Variants in CTTNBP2NL observed in about 807,000 individuals in gnomAD.
CTTNBP2NL encodes CTTNBP2 N-terminal-like protein.
In CTTNBP2NL, 16 loss-of-function variants were observed where a neutral mutation model predicts 32.5. The observed-to-expected ratio is 0.49, with a 90% CI of 0.33 to 0.75. The LOEUF is 0.75. CTTNBP2NL is among the 30% of genes least tolerant of loss of function. CTTNBP2NL has a pLI of 0.02. For synonymous variants in CTTNBP2NL, 298 were observed against 289.4 expected (o/e 1.03, Z -0.30); for missense variants, 645 against 756.0 (o/e 0.85, Z 1.72).
chr1:112,404,500 T>C (rs1201062586), intron 1 of CTTNBP2NL, among the ~76,000 whole-genome samples: 1 of 152,178 alleles, frequency 6.6e-6, no homozygotes, highest in African/African-American at 2.4e-5. Context: ...GACGTCATCA[T>C]CCTACATTAG....
intron 2 of CTTNBP2NL, among the ~76,000 whole-genome samples, chr1:112,413,785 C>CA (rs1648968414): frequency 6.6e-6 from 1 of 152,158 alleles, no homozygotes; most frequent in Admixed American, 6.5e-5. Context: ...TGGTGGCTCA[C>CA]ACCTTTAATC....
At position 112,453,897 on chromosome 1, in the gene CTTNBP2NL, G is replaced by A. The variant is rs1010193365; in HGVS notation, c.331-552G>A. On this transcript the variant is annotated intron_variant, in intron 4 of 5. Coordinates refer to ENST00000271277, the MANE Select transcript of CTTNBP2NL (RefSeq NM_018704.3). Reference sequence around the variant, plus strand: ...TCTCTATATTTGAGCCTTTTTACATGCAGTAGGAAGTCAAGAGAGTCTATC... The same window carrying A: ...TCTCTATATTTGAGCCTTTTTACATACAGTAGGAAGTCAAGAGAGTCTATC... Among the ~76,000 whole-genome samples the A allele has an allele frequency of 2.0e-5, 3 of 152,170 alleles. No individual in the cohort carries two copies. The South Asian group carries it at 6.2e-4, about 31-fold the overall frequency.
chr1:112,407,073 A>C (rs901878616), intron 1 of CTTNBP2NL, among the ~76,000 whole-genome samples: 6 of 152,210 alleles, frequency 3.9e-5, no homozygotes, highest in Admixed American at 1.3e-4. Context: ...TTCTCTAAAA[A>C]TGTTCCCAAA....
intron 2 of CTTNBP2NL, chr1:112,415,845 GCA>G (rs1317857569): frequency 3.4e-6 from 1 of 297,880 alleles, no homozygotes; most frequent in Non-Finnish European, 6.3e-6. Context: ...ATGAGCCACT[GCA>G]CCCAGCCCTA....
Position 112,416,394 on chromosome 1 carries a change from A to G in CTTNBP2NL, c.99+130A>G, listed in dbSNP as rs116010038. On this transcript the variant is annotated intron_variant, in intron 3 of 5. Coordinates refer to ENST00000271277, the MANE Select transcript of CTTNBP2NL (RefSeq NM_018704.3). Reference sequence around the variant, plus strand: ...AATGGAGGACATACTGATACTTGCCATAGGTAGCCACCTACATTGTGTGTT... The same window carrying G: ...AATGGAGGACATACTGATACTTGCCGTAGGTAGCCACCTACATTGTGTGTT... 446 of 578,982 alleles carry G rather than the reference A, an allele frequency of 7.7e-4. 2 individuals carry two copies. In the African/African-American group the frequency reaches 7.7e-3, roughly 10 times the overall value. The allele number at this position is 578,982 out of a possible 1,614,324, so 35.9% of individuals were successfully genotyped here.
At position 112,459,123 on chromosome 1, in the gene CTTNBP2NL, C is replaced by G. The variant is rs890759353; in HGVS notation, c.*1711C>G. On this transcript the variant is annotated 3_prime_UTR_variant, in exon 6 of 6. Coordinates refer to ENST00000271277, the MANE Select transcript of CTTNBP2NL (RefSeq NM_018704.3). ...AAATGTTTAAATGGTGCTGGTTAAA[C>G]AAACACGTCTGCAGCTGGATTTAGC... is the stretch of plus-strand genomic sequence containing the variant. 1 of 152,172 alleles carries G rather than the reference C, an allele frequency of 6.6e-6. No homozygotes were observed. Among genetic ancestry groups the G allele is most frequent in the African/African-American group, 2.4e-5 (1 of 41,438 alleles). The allele number at this position is 152,172 out of a possible 1,614,324, so 9.4% of individuals were successfully genotyped here.
chr1:112,392,814 G>C (rs968915664), upstream of CTTNBP2NL, among the ~76,000 whole-genome samples: 3 of 151,564 alleles, frequency 2.0e-5, no homozygotes, highest in Admixed American at 6.6e-5. Flanking sequence ...ATCTCTCAGA[G>C]CCCCCAGAAG....
intron 3 of CTTNBP2NL, among the ~76,000 whole-genome samples, chr1:112,426,238 A>C (rs980041273): frequency 2.0e-5 from 3 of 152,116 alleles, no homozygotes; most frequent in Non-Finnish European, 4.4e-5. Flanking sequence ...AAAAGCATAA[A>C]AATTTTTATG....
At chr1:112,425,959 G>A (rs1649381117) in intron 3 of CTTNBP2NL, among the ~76,000 whole-genome samples, 3 of 38,982 alleles carry the variant, frequency 7.7e-5, no homozygotes, top group South Asian at 3.0e-3. Flanking sequence ...TGGATGCCGT[G>A]TGTGTGTGTG....
chr1:112,441,854 A>G (rs1649899857), intron 3 of CTTNBP2NL, among the ~76,000 whole-genome samples: 1 of 152,066 alleles, frequency 6.6e-6, no homozygotes, highest in African/African-American at 2.4e-5. Flanking sequence ...TAGGTCTGTG[A>G]TGCATTTTTA....
chr1:112,431,148 G>A (rs781581524), intron 3 of CTTNBP2NL, among the ~76,000 whole-genome samples: 2 of 152,176 alleles, frequency 1.3e-5, no homozygotes, highest in Admixed American at 6.5e-5. Context: ...CAGCAGTTAC[G>A]GAGGGGCTTC....
At position 112,456,470 on chromosome 1, in the gene CTTNBP2NL, C is replaced by T; in HGVS notation, c.978C>T (p.Asn326=). Residue 326 remains asparagine, a synonymous_variant, in exon 6 of 6, where the codon AAC becomes AAT. Coordinates refer to ENST00000271277, the MANE Select transcript of CTTNBP2NL (RefSeq NM_018704.3). ...SFPAERTHGS[N]IAKMTNTGLP... ...CAGCAGAAAGAACCCATGGGAGCAA[C>T]ATAGCCAAGATGACAAACACTGGGC... is the stretch of plus-strand genomic sequence containing the variant. The T allele has an allele frequency of 6.2e-7, 1 of 1,614,184 alleles. No individual in the cohort carries two copies. Among genetic ancestry groups the T allele is most frequent in the Non-Finnish European group, 8.5e-7 (1 of 1,180,038 alleles).
chr1:112,425,278 C>A (rs912022557), intron 3 of CTTNBP2NL, among the ~76,000 whole-genome samples: 1 of 151,828 alleles, frequency 6.6e-6, no homozygotes. Flanking sequence ...CAAGACCAGC[C>A]TGGTTAACAT....
rs1370418531 is a variant in CTTNBP2NL, at chr1:112,458,648, C to T, written c.*1236C>T. The stretch of plus-strand genomic sequence containing the variant: ...TGTCCACAGGAAGGTGAGGAAATTC[C>T]AAATGAAGCCTAGATCTTCAGTATC... On this transcript the variant is annotated 3_prime_UTR_variant, in exon 6 of 6. Transcript: ENST00000271277. 1 of 151,940 alleles carries T rather than the reference C, an allele frequency of 6.6e-6. No individual in the cohort carries two copies. Among genetic ancestry groups the T allele is most frequent in the Non-Finnish European group, 1.5e-5 (1 of 68,000 alleles). 9.4% of individuals were successfully genotyped at this position (151,940 alleles called of 1,614,324 possible). A position where few individuals can be genotyped will look rare whatever the true frequency, so the allele number is the denominator to read the frequency against.
chr1:112,403,545 T>G (rs1475022701), intron 1 of CTTNBP2NL, among the ~76,000 whole-genome samples: 1 of 152,230 alleles, frequency 6.6e-6, no homozygotes, highest in Non-Finnish European at 1.5e-5. Flanking sequence ...TAACTGCTCT[T>G]GAATTACGAA....
intron 3 of CTTNBP2NL, among the ~76,000 whole-genome samples, chr1:112,437,321 T>C (rs1390738758): frequency 1.3e-5 from 2 of 152,250 alleles, no homozygotes; most frequent in African/African-American, 4.8e-5. Flanking sequence ...ATAATAGCCA[T>C]TCTGACTGGT....
At chr1:112,447,764 T>A (rs949446421) in intron 3 of CTTNBP2NL, among the ~76,000 whole-genome samples, 1 of 152,198 alleles carries the variant, frequency 6.6e-6, no homozygotes, top group African/African-American at 2.4e-5. Flanking sequence ...TGGATGGCAG[T>A]GCTAAGAAAA....
chr1:112,458,388 G>A lies in CTTNBP2NL; in HGVS notation c.*976G>A, dbSNP rs140951531. On this transcript the variant is annotated 3_prime_UTR_variant, in exon 6 of 6. Transcript: ENST00000271277. The stretch of plus-strand genomic sequence containing the variant: ...CTTATTCTCCAAGCTGCCAGAACCT[G>A]GTATCTGTATCTGTAAAACCAAATT... The A allele has an allele frequency of 2.4e-4, 37 of 152,682 alleles. No individual in the cohort carries two copies. The highest frequency in any genetic ancestry group is 8.7e-4 in the African/African-American group (36 of 41,552). 9.5% of individuals were successfully genotyped at this position (152,682 alleles called of 1,614,324 possible).
chr1:112,455,829 C>A, intron 5 of CTTNBP2NL, 102 bp from the exon 6 acceptor site: 1 of 785,072 alleles, frequency 1.3e-6, no homozygotes, highest in Non-Finnish European at 2.0e-6. Flanking sequence ...GATCTAAGCA[C>A]TGTGATGTGC....
Sources: gnomAD v4.1 joint callset for allele counts (sites outside exome capture counted in the v4.1 genomes callset) on GRCh38, gnomAD v4.1.1 for gene constraint, MANE v1.5 for transcripts, NCBI Gene and HGNC (gene_info 2026-07-23, HGNC 2026-07-21) for gene names.